The following DSC1 variants were observed in gnomAD, a reference collection of about 807,000 sequenced individuals.
DSC1 encodes desmocollin-1.
A neutral mutation model predicts 98.8 loss-of-function variants in DSC1; 79 were observed. The ratio of observed to expected loss-of-function variants is 0.80; its 90% confidence interval spans 0.67 to 0.96. The LOEUF is 0.96. Among genes scored for constraint, DSC1 ranks in the 50% least tolerant of loss-of-function variants. The probability of loss-of-function intolerance (pLI) is 0.00; values close to 1 mark genes in which losing one functional copy is unlikely to be tolerated. For synonymous variants in DSC1, 405 were observed against 372.1 expected, an observed-to-expected ratio of 1.09 and a Z score of -1.02; for missense variants, 1,115 against 1,075.9, an observed-to-expected ratio of 1.04 and a Z score of -0.51.
At chr18:31,156,274 A>C in intron 3 of DSC1, 112 bp from the exon 4 acceptor site, 35 of 1,289,818 alleles carry the variant, frequency 2.7e-5, no homozygotes, top group Non-Finnish European at 3.0e-5. Flanking sequence ...TTACAATATC[A>C]TGGCTAGTCA....
intron 5 of DSC1, among the ~76,000 whole-genome samples, chr18:31,151,771 G>A (rs375960309): frequency 6.6e-6 from 1 of 152,184 alleles, no homozygotes; most frequent in Admixed American, 6.5e-5. Context: ...AGAGAAAGGA[G>A]AGAGCAGTAA....
intron 5 of DSC1, among the ~76,000 whole-genome samples, chr18:31,154,206 T>A (rs1165572562): frequency 1.3e-5 from 2 of 151,654 alleles, no homozygotes; most frequent in African/African-American, 4.8e-5. Flanking sequence ...ATAAACTTGT[T>A]CTGGGTTACT....
intron 1 of DSC1, among the ~76,000 whole-genome samples, chr18:31,160,212 C>T (rs1989183961): frequency 1.3e-5 from 2 of 152,068 alleles, no homozygotes; most frequent in Non-Finnish European, 2.9e-5. Flanking sequence ...AAGACATAGA[C>T]ACTATCTGAA....
Position 31,135,895 on chromosome 18 carries a change from T to A in DSC1, c.1664-1111A>T, listed in dbSNP as rs577423139. 7.9e-4 allele frequency among the ~76,000 whole-genome samples: 120 copies of A among 152,298 alleles called. 1 individual carries two copies. Among genetic ancestry groups the A allele is most frequent in the Non-Finnish European group, 2.5e-4 (17 of 67,986 alleles). On this transcript the variant is annotated intron_variant, in intron 11 of 15. Transcript: ENST00000257198. ...TGAAACATGTATGTTGAATTTATCA[T>A]AAAGACTACTATAACTCCCATGCAA...
At chr18:31,152,028 G>A (rs1442617585) in intron 5 of DSC1, among the ~76,000 whole-genome samples, 3 of 152,082 alleles carry the variant, frequency 2.0e-5, no homozygotes, top group Non-Finnish European at 2.9e-5. Context: ...TGGGCGTGGT[G>A]GTGGGCGCCT....
chr18:31,157,519 G>T lies in DSC1; in HGVS notation c.203C>A (p.Ala68Asp), dbSNP rs1989122832. The change falls in exon 3 of 16, where the codon GCC becomes GAC. Residue 68 changes from alanine (A) to aspartate (D), a missense_variant. By Grantham distance (126) the Ala-to-Asp change is moderately radical. Transcript: ENST00000257198. ...TGAGCCATCTTCTAGAATTCTGAAG[G>T]CAGGGTCACTGGACCGGATTAGGCT... ...SASLIRSSDP[A>D]FRILEDGSIY... The T allele has an allele frequency of 1.2e-6, 2 of 1,614,076 alleles. No homozygotes were observed. The highest frequency in any genetic ancestry group is 1.7e-6 in the Non-Finnish European group (2 of 1,180,044).
chr18:31,141,325 G>C (rs560254255), intron 9 of DSC1, among the ~76,000 whole-genome samples: 1 of 152,202 alleles, frequency 6.6e-6, no homozygotes, highest in African/African-American at 2.4e-5. Flanking sequence ...ATCTTATCAG[G>C]AGAACACAAT....
chr18:31,136,851 T>G (rs1988621688), intron 11 of DSC1, among the ~76,000 whole-genome samples: 1 of 152,192 alleles, frequency 6.6e-6, no homozygotes, highest in Admixed American at 6.6e-5. Flanking sequence ...TGGTAAGTTT[T>G]TATTTTACCC....
chr18:31,143,647 G>T lies in DSC1; in HGVS notation c.1074+10C>A. Reference sequence around the variant, plus strand: ...TAAATCTAGATGAATGAATAGAGAGGTATACTCACAGAAGTTTCTGTGAAA... The same window carrying T: ...TAAATCTAGATGAATGAATAGAGAGTTATACTCACAGAAGTTTCTGTGAAA... On this transcript the variant is annotated intron_variant, in intron 8 of 15. Coordinates refer to ENST00000257198, the MANE Select transcript of DSC1 (RefSeq NM_024421.2). 6.4e-7 allele frequency: 1 copy of T among 1,564,398 alleles called. No individual in the cohort carries two copies.
intron 15 of DSC1, among the ~76,000 whole-genome samples, chr18:31,131,300 T>C (rs1988482858): frequency 6.6e-6 from 1 of 152,222 alleles, no homozygotes; most frequent in Admixed American, 6.5e-5. Flanking sequence ...AATATTTCAC[T>C]CCAGCTGGTT....
intron 6 of DSC1, 42 bp downstream of exon 6, chr18:31,148,456 C>A: frequency 2.6e-6 from 4 of 1,530,668 alleles, no homozygotes; most frequent in East Asian, 2.3e-5. Context: ...TACGAAATGT[C>A]AAATAGTCTT....
intron 11 of DSC1, among the ~76,000 whole-genome samples, chr18:31,139,432 T>G (rs562365360): frequency 6.6e-6 from 1 of 152,270 alleles, no homozygotes; most frequent in African/African-American, 2.4e-5. Context: ...TCCTTGAGTA[T>G]GCCACCATTT....
At position 31,130,633 on chromosome 18, in the gene DSC1, C is replaced by T; in HGVS notation, c.2566G>A (p.Gly856Ser). 1.2e-6 allele frequency: 2 copies of T among 1,614,168 alleles called. No individual in the cohort carries two copies. The highest frequency in any genetic ancestry group is 1.7e-6 in the Non-Finnish European group (2 of 1,180,026). ...YVCSYNYEGK[G>S]SLAGSVGCCS... ...CAACCTACTGAGCCGGCCAGAGAACCTTTGCCTTCATAGTTATACGAACAA... is the reference window on the plus strand; with the variant it reads ...CAACCTACTGAGCCGGCCAGAGAACTTTTGCCTTCATAGTTATACGAACAA... Residue 856 changes from glycine (G) to serine (S), a missense_variant, in exon 16 of 16, where the codon GGT (glycine) becomes AGT (serine). Transcript: ENST00000257198.
In DSC1 at chr18:31,159,445, C is replaced by T. The variant is rs186695759; in HGVS notation, c.148G>A (p.Val50Met). 6.2e-7 allele frequency: 1 copy of T among 1,611,986 alleles called. No individual in the cohort carries two copies. The highest frequency in any genetic ancestry group is 2.2e-5 in the East Asian group (1 of 44,770). Residue 50 changes from valine to methionine, a missense_variant and splice_region_variant, in exon 2 of 16, where the codon GTG (valine) becomes ATG (methionine). Coordinates refer to ENST00000257198, the MANE Select transcript of DSC1 (RefSeq NM_024421.2). ...TGAAACTGTTAATAGTGTTTCTCACCTTTGCCTACAAGTGTTTCAGCCTGA... is the reference window on the plus strand; with the variant it reads ...TGAAACTGTTAATAGTGTTTCTCACTTTTGCCTACAAGTGTTTCAGCCTGA... ...HLQAETLVGKVNLEECLKSAS... is the reference protein window; with the variant it reads ...HLQAETLVGKMNLEECLKSAS...
At chr18:31,139,326 C>G (rs549328451) in intron 11 of DSC1, among the ~76,000 whole-genome samples, 7 of 152,028 alleles carry the variant, frequency 4.6e-5, no homozygotes, top group Non-Finnish European at 8.8e-5. Flanking sequence ...TCAGAACAAA[C>G]TTACTTTGAA....
intron 14 of DSC1, 46 bp downstream of exon 14, chr18:31,132,522 T>A (rs374328808): frequency 6.2e-7 from 1 of 1,603,862 alleles, no homozygotes; most frequent in Middle Eastern, 1.7e-4. Flanking sequence ...TAATCTGTCA[T>A]CATTTGTTCA....
Position 31,130,802 on chromosome 18 carries a change from T to C in DSC1, c.2488-91A>G, listed in dbSNP as rs1232636552. ...GATGTCTTTGATTTACCTTTTACTG[T>C]TTAATTTTTAATCAGAGTGTGTCCT... On this transcript the variant is annotated intron_variant, in intron 15 of 15. Coordinates refer to ENST00000257198, the MANE Select transcript of DSC1 (RefSeq NM_024421.2). 1.9e-6 allele frequency: 3 copies of C among 1,612,570 alleles called. No individual in the cohort carries two copies. In the East Asian group the frequency reaches 6.7e-5, roughly 36 times the overall value.
chr18:31,139,554 G>A (rs1016054683), intron 11 of DSC1, among the ~76,000 whole-genome samples, 194 bp downstream of exon 11: 1 of 151,990 alleles, frequency 6.6e-6, no homozygotes, highest in African/African-American at 2.4e-5. Flanking sequence ...CTTAAGCTTT[G>A]GCCATTCACT....
intron 1 of DSC1, among the ~76,000 whole-genome samples, chr18:31,161,770 A>G (rs1050871410): frequency 1.3e-5 from 2 of 152,190 alleles, no homozygotes; most frequent in African/African-American, 2.4e-5. Context: ...TGAGAAGGTG[A>G]CCATCAACCC....
Sources: allele counts gnomAD v4.1 joint callset (sites outside exome capture counted in the v4.1 genomes callset), GRCh38; gene constraint gnomAD v4.1.1; transcripts MANE v1.5; gene names NCBI Gene and HGNC (gene_info 2026-07-23, HGNC 2026-07-21).